The following GPCPD1 variants were observed in gnomAD, a reference collection of about 807,000 sequenced individuals.
GPCPD1 encodes the protein glycerophosphocholine phosphodiesterase GPCPD1.
A neutral mutation model predicts 89.2 loss-of-function variants in GPCPD1; 29 were observed. The ratio of observed to expected loss-of-function variants is 0.33; its 90% CI spans 0.24 to 0.44. The LOEUF (loss-of-function observed/expected upper bound fraction) is 0.44, where lower values mean the gene tolerates loss of function less well. GPCPD1 is among the 20% of genes least tolerant of loss of function. The pLI, the probability that GPCPD1 is intolerant of heterozygous loss-of-function variation, is 1.00. For missense variants in GPCPD1, 594 were observed against 808.9 expected (o/e 0.73, Z 3.22); for synonymous variants, 258 against 266.3 (o/e 0.97, Z 0.30).
intron 19 of GPCPD1, chr20:5,548,298 A>C (rs1214980393): frequency 6.6e-6 from 1 of 152,204 alleles, no homozygotes; most frequent in African/African-American, 2.4e-5. Context: ...ATAACGTCAG[A>C]CACGTCCAGA....
rs1001390921 is a variant in GPCPD1, at chr20:5,559,961, A to G, written c.1511T>C (p.Phe504Ser). ...TCACATTGTGCAAATATCTGCATCA[A>G]ATGAAGAAAACACTATTCTCCTCTT... ...SGKRRIVFSS[F>S]DADICTMVRQ... The change falls in exon 17 of 20, where the codon TTT becomes TCT. Residue 504 changes from phenylalanine (F) to serine (S), a missense_variant. Phe to Ser is a radical substitution (Grantham distance 155, BLOSUM62 -2). Coordinates refer to ENST00000379019, the MANE Select transcript of GPCPD1 (RefSeq NM_019593.5). 1.9e-6 allele frequency: 3 copies of G among 1,548,650 alleles called. No homozygotes were observed. In the African/African-American group the frequency reaches 4.2e-5, roughly 22 times the overall value.
chr20:5,570,426 CA>C (rs36030193), intron 11 of GPCPD1, among the ~76,000 whole-genome samples, 187 bp from the exon 12 acceptor site: 4,227 of 85,932 alleles, frequency 0.049, 31 homozygotes, highest in Non-Finnish European at 0.073. Flanking sequence ...TTTTTCCTGG[CA>C]AAAAAAAAAA....
At position 5,604,521 on chromosome 20, in the gene GPCPD1, G is replaced by A. The variant is rs546939199; in HGVS notation, c.-28-81C>T. ...ACCATCAAGAAACAACTTCAACCAA[G>A]AGCTATTTATATTTTTAAAAGCAAT... On this transcript the variant is annotated intron_variant, in intron 1 of 19. Coordinates refer to ENST00000379019, the MANE Select transcript of GPCPD1 (RefSeq NM_019593.5). The A allele has an allele frequency of 4.9e-5, 27 of 553,974 alleles. No individual in the cohort carries two copies. In the South Asian group the frequency reaches 5.4e-4, roughly 11 times the overall value. The allele number at this position is 553,974 out of a possible 1,614,324, so 34.3% of individuals were successfully genotyped here. A position where few individuals can be genotyped will look rare whatever the true frequency, so the allele number is the denominator to read the frequency against.
At chr20:5,590,203 T>G (rs546083132) in intron 4 of GPCPD1, among the ~76,000 whole-genome samples, 2 of 152,222 alleles carry the variant, frequency 1.3e-5, no homozygotes, top group South Asian at 2.1e-4. Flanking sequence ...TACTGATTGT[T>G]TTTCTTCCAC....
chr20:5,590,407 G>A (rs1413094386), intron 4 of GPCPD1, among the ~76,000 whole-genome samples: 3 of 151,866 alleles, frequency 2.0e-5, no homozygotes, highest in Admixed American at 6.6e-5. Context: ...GCCAGGCATA[G>A]TGGTTGCATG....
intron 5 of GPCPD1, chr20:5,585,334 T>G (rs1268132301): frequency 6.6e-6 from 1 of 152,026 alleles, no homozygotes; most frequent in Non-Finnish European, 1.5e-5. Flanking sequence ...AGATGTGTCC[T>G]TACTCCAGGA....
intron 19 of GPCPD1, among the ~76,000 whole-genome samples, chr20:5,555,729 G>A (rs569022928): frequency 3.4e-4 from 51 of 151,820 alleles, no homozygotes; most frequent in South Asian, 3.1e-3. Context: ...GGTGGCAGGC[G>A]TGCGCCTGTA....
chr20:5,582,605 C>T (rs967637468), intron 6 of GPCPD1, among the ~76,000 whole-genome samples: 9 of 152,108 alleles, frequency 5.9e-5, no homozygotes, highest in Non-Finnish European at 1.5e-5. Flanking sequence ...AATGAGGATG[C>T]AGGCTGGGCA....
At chr20:5,578,689 A>G in intron 7 of GPCPD1, 78 bp from the exon 8 acceptor site, 1 of 836,806 alleles carries the variant, frequency 1.2e-6, no homozygotes, top group Non-Finnish European at 2.0e-6. Context: ...TAAATTCTAC[A>G]TTTTAAAGTG....
Position 5,593,394 on chromosome 20 carries a change from GT to G in GPCPD1, c.163del (p.Thr55ProfsTer20). The part of the protein sequence containing the change: ...DTGESMLWKA[T>X]IVLSRGVSVQ... Reference sequence around the variant, plus strand: ...TGATACTCCTCTACTGAGTACAATGGTTGCTTTCCATAGCATGCTGTGAAGA... The same window carrying G: ...TGATACTCCTCTACTGAGTACAATGGTGCTTTCCATAGCATGCTGTGAAGA... On this transcript the variant is annotated frameshift_variant, in exon 4 of 20. Coordinates refer to ENST00000379019, the MANE Select transcript of GPCPD1 (RefSeq NM_019593.5). LOFTEE classifies it high-confidence loss of function. 6.3e-7 allele frequency: 1 copy of G among 1,589,056 alleles called. No homozygotes were observed. Among genetic ancestry groups the G allele is most frequent in the Non-Finnish European group, 8.6e-7 (1 of 1,158,172 alleles).
At chr20:5,609,058 G>C (rs1029266212) in intron 1 of GPCPD1, among the ~76,000 whole-genome samples, 1 of 152,144 alleles carries the variant, frequency 6.6e-6, no homozygotes, top group Non-Finnish European at 1.5e-5. Context: ...GGAAACCAAA[G>C]GGATATGAAG....
chr20:5,568,082 T>C (rs1342067945), intron 12 of GPCPD1, among the ~76,000 whole-genome samples: 1 of 152,078 alleles, frequency 6.6e-6, no homozygotes, highest in African/African-American at 2.4e-5. Flanking sequence ...ACTTAAGCAC[T>C]CTGAGCTACC....
intron 12 of GPCPD1, among the ~76,000 whole-genome samples, chr20:5,568,827 C>A (rs1055558940): frequency 3.3e-5 from 5 of 152,168 alleles, no homozygotes; most frequent in Non-Finnish European, 7.4e-5. Flanking sequence ...GCAGGAGAAT[C>A]GCTTGAACCC....
At chr20:5,580,877 ATTT>A (rs1005700106) in intron 6 of GPCPD1, among the ~76,000 whole-genome samples, 1 of 144,374 alleles carries the variant, frequency 6.9e-6, no homozygotes, top group African/African-American at 2.5e-5. Context: ...AATCAATTCC[ATTT>A]TTTTTTTTTT....
In GPCPD1 at chr20:5,586,251, G is replaced by C; in HGVS notation, c.250C>G (p.Gln84Glu). ...GTCTCCCACTTGTGAACTATCACTT[G>C]ACATGGACCACCGATAGTCTGCAAT... ...LEPKTIGGPC[Q>E]VIVHKWETHL... is the part of the protein sequence containing the mutation. The change falls in exon 5 of 20, where the codon CAA becomes GAA. Residue 84 changes from glutamine (Q) to glutamate (E), a missense_variant. By Grantham distance (29) the Gln-to-Glu change is conservative (BLOSUM62 2). Transcript: ENST00000379019. The C allele has an allele frequency of 6.3e-7, 1 of 1,589,530 alleles. No homozygotes were observed. Among genetic ancestry groups the C allele is most frequent in the Non-Finnish European group, 8.6e-7 (1 of 1,157,912 alleles).
chr20:5,547,876 AT>A, intron 19 of GPCPD1, 26 bp from the exon 20 acceptor site: 1 of 1,289,158 alleles, frequency 7.8e-7, no homozygotes, highest in Middle Eastern at 1.9e-4. Context: ...TACAAAACAC[AT>A]AAAATACTGT....
In GPCPD1 at chr20:5,547,615, C is replaced by A; in HGVS notation, c.*46G>T. On this transcript the variant is annotated 3_prime_UTR_variant, in exon 20 of 20. Coordinates refer to ENST00000379019, the MANE Select transcript of GPCPD1 (RefSeq NM_019593.5). ...TGCTCAGTGATGAAAAATGAATACCCAGAACAGCGGTGCACGCCCCCAAAA... is the reference window on the plus strand; with the variant it reads ...TGCTCAGTGATGAAAAATGAATACCAAGAACAGCGGTGCACGCCCCCAAAA... 1.0e-6 allele frequency: 1 copy of A among 987,646 alleles called. No homozygotes were observed. Among genetic ancestry groups the A allele is most frequent in the Non-Finnish European group, 1.5e-6 (1 of 646,958 alleles). The allele number at this position is 987,646 out of a possible 1,614,324, so 61.2% of individuals were successfully genotyped here. A position where few individuals can be genotyped will look rare whatever the true frequency, so the allele number is the denominator to read the frequency against.
At chr20:5,561,427 T>A (rs1568647217) in intron 16 of GPCPD1, 38 bp downstream of exon 16, 1 of 1,120,292 alleles carries the variant, frequency 8.9e-7, no homozygotes, top group South Asian at 1.3e-5. Flanking sequence ...TAGATAGGCA[T>A]AGAGAGTATA....
chr20:5,610,792 C>A (rs1353306474), intron 1 of GPCPD1, 50 bp downstream of exon 1: 7 of 151,170 alleles, frequency 4.6e-5, no homozygotes, highest in African/African-American at 1.7e-4. Context: ...GACAGCTCAG[C>A]CCGCCACGTG....
Sources: gnomAD v4.1 joint callset for allele counts (sites outside exome capture counted in the v4.1 genomes callset) on GRCh38, gnomAD v4.1.1 for gene constraint, MANE v1.5 for transcripts, NCBI Gene and HGNC (gene_info 2026-07-23, HGNC 2026-07-21) for gene names.